The following SHROOM3 variants were observed in gnomAD, a reference collection of about 807,000 sequenced individuals.
SHROOM3 encodes the protein shroom family member 3, also known as protein Shroom3.
Under a neutral mutation model 138.6 loss-of-function variants are expected in SHROOM3, and 47 were observed. The observed-to-expected ratio is 0.34, with a 90% CI of 0.27 to 0.43. The LOEUF is 0.43. Among genes scored for constraint, SHROOM3 ranks in the 20% least tolerant of loss-of-function variants. SHROOM3 has a pLI of 1.00. For synonymous variants in SHROOM3, 1,062 were observed against 1,063.3 expected, an observed-to-expected ratio of 1.00 and a Z score of 0.02; for missense variants, 2,491 against 2,596.5, an observed-to-expected ratio of 0.96 and a Z score of 0.88.
At chr4:76,489,948 C>A (rs10029860) in intron 1 of SHROOM3, among the ~76,000 whole-genome samples, 65,997 of 151,934 alleles carry the variant, frequency 0.43, 15,277 homozygotes, top group Non-Finnish European at 0.52. Context: ...ACGAAAGTAC[C>A]CTCCACAGTG....
chr4:76,436,479 A>G (rs1417493954), intron 1 of SHROOM3, among the ~76,000 whole-genome samples: 1 of 152,234 alleles, frequency 6.6e-6, no homozygotes, highest in Non-Finnish European at 1.5e-5. Flanking sequence ...AATCGCATAC[A>G]ATCAGTTACC....
At chr4:76,701,962 A>G (rs1028845694) in intron 2 of SHROOM3, among the ~76,000 whole-genome samples, 1 of 152,362 alleles carries the variant, frequency 6.6e-6, no homozygotes, top group Admixed American at 6.5e-5. Flanking sequence ...GATAATTAAA[A>G]TAATAAACAT....
At chr4:76,515,384 T>TG (rs1732424167) in intron 1 of SHROOM3, among the ~76,000 whole-genome samples, 1 of 149,844 alleles carries the variant, frequency 6.7e-6, no homozygotes, top group African/African-American at 2.5e-5. Context: ...AGAACTTGTC[T>TG]GAAAAAAAAA....
intron 9 of SHROOM3, among the ~76,000 whole-genome samples, chr4:76,760,800 C>T (rs190743936): frequency 5.0e-4 from 76 of 152,306 alleles, no homozygotes; most frequent in East Asian, 1.2e-3. Flanking sequence ...CTTCATTTAA[C>T]GGGTCCCCTG....
chr4:76,580,821 G>A (rs1734037200), intron 2 of SHROOM3, among the ~76,000 whole-genome samples: 1 of 152,182 alleles, frequency 6.6e-6, no homozygotes, highest in Non-Finnish European at 1.5e-5. Context: ...GGTTGAGAGA[G>A]TTAAAACAAA....
In SHROOM3 at chr4:76,783,047, T is replaced by C. The variant is rs1354484688; in HGVS notation, c.*3870T>C. The C allele has an allele frequency of 6.6e-6, 1 of 152,194 alleles. No homozygotes were observed. The highest frequency in any genetic ancestry group is 1.5e-5 in the Non-Finnish European group (1 of 68,038). 9.4% of individuals were successfully genotyped at this position (152,194 alleles called of 1,614,324 possible). A position where few individuals can be genotyped will look rare whatever the true frequency, so the allele number is the denominator to read the frequency against. Reference sequence around the variant, plus strand: ...TACCAATTGCTATGACAAAACCAAGTCTGCTGGAAACTGCATTTCAGCAGG... The same window carrying C: ...TACCAATTGCTATGACAAAACCAAGCCTGCTGGAAACTGCATTTCAGCAGG... On this transcript the variant is annotated 3_prime_UTR_variant, in exon 11 of 11. Coordinates refer to ENST00000296043, the MANE Select transcript of SHROOM3 (RefSeq NM_020859.4).
intron 1 of SHROOM3, among the ~76,000 whole-genome samples, chr4:76,511,190 A>AC (rs202189019): frequency 6.6e-6 from 1 of 151,704 alleles, no homozygotes; most frequent in Non-Finnish European, 1.5e-5. Context: ...CTCAAAAATA[A>AC]TAATAATAAT....
At chr4:76,647,041 A>G (rs1475405177) in intron 2 of SHROOM3, among the ~76,000 whole-genome samples, 1 of 152,236 alleles carries the variant, frequency 6.6e-6, no homozygotes, top group Non-Finnish European at 1.5e-5. Context: ...AAGGATAAAG[A>G]AAATGTATAT....
chr4:76,508,728 C>T (rs1225827817), intron 1 of SHROOM3, among the ~76,000 whole-genome samples: 1 of 152,136 alleles, frequency 6.6e-6, no homozygotes, highest in Non-Finnish European at 1.5e-5. Context: ...TTTCTTTCAA[C>T]AATGTTTCAT....
At chr4:76,567,237 T>G (rs1479685871) in intron 2 of SHROOM3, among the ~76,000 whole-genome samples, 1 of 152,198 alleles carries the variant, frequency 6.6e-6, no homozygotes, top group Non-Finnish European at 1.5e-5. Context: ...GGAGCATTTT[T>G]AAAAGATTCT....
intron 1 of SHROOM3, among the ~76,000 whole-genome samples, chr4:76,470,164 C>G (rs1012330435): frequency 6.6e-6 from 1 of 152,088 alleles, no homozygotes; most frequent in Non-Finnish European, 1.5e-5. Flanking sequence ...AGGAAAGAGG[C>G]CTATACACTA....
At chr4:76,544,407 CTTTTTTTTTTTTT>C (rs58799466) in intron 1 of SHROOM3, among the ~76,000 whole-genome samples, 4 of 75,870 alleles carry the variant, frequency 5.3e-5, no homozygotes, top group Admixed American at 5.1e-4. Context: ...AGCTCAATGG[CTTTTTTTTTTTTT>C]TTTTTTTTTT....
At chr4:76,488,073 A>G (rs764074052) in intron 1 of SHROOM3, among the ~76,000 whole-genome samples, 14 of 152,172 alleles carry the variant, frequency 9.2e-5, no homozygotes, top group Non-Finnish European at 2.1e-4. Context: ...ACTTCCTTCA[A>G]CCTAATCTTA....
At chr4:76,447,536 G>A (rs1028130330) in intron 1 of SHROOM3, among the ~76,000 whole-genome samples, 8 of 152,284 alleles carry the variant, frequency 5.3e-5, no homozygotes, top group African/African-American at 7.2e-5. Context: ...CATGTTGGGC[G>A]TTGAGATAGA....
At chr4:76,479,218 G>A (rs542260555) in intron 1 of SHROOM3, among the ~76,000 whole-genome samples, 2 of 152,056 alleles carry the variant, frequency 1.3e-5, no homozygotes, top group South Asian at 4.2e-4. Context: ...ATGCAAGGAG[G>A]CTAAGAACCT....
At chr4:76,462,732 C>A (rs375135776) in intron 1 of SHROOM3, among the ~76,000 whole-genome samples, 23 of 147,510 alleles carry the variant, frequency 1.6e-4, no homozygotes, top group African/African-American at 4.8e-4. Context: ...CTCCCTTTCC[C>A]TCTCCATCTC....
At chr4:76,573,379 G>A (rs1318798025) in intron 2 of SHROOM3, among the ~76,000 whole-genome samples, 1 of 111,692 alleles carries the variant, frequency 9.0e-6, no homozygotes, top group Non-Finnish European at 1.8e-5. Context: ...TCTGCTGGTT[G>A]GCAATAATAA....
At chr4:76,591,671 T>C (rs1421237264) in intron 2 of SHROOM3, among the ~76,000 whole-genome samples, 1 of 152,218 alleles carries the variant, frequency 6.6e-6, no homozygotes, top group African/African-American at 2.4e-5. Context: ...ATCTATTACA[T>C]TGCCCTTAGT....
chr4:76,601,342 G>GC (rs1391915930), intron 2 of SHROOM3, among the ~76,000 whole-genome samples: 2 of 151,956 alleles, frequency 1.3e-5, no homozygotes, highest in Non-Finnish European at 2.9e-5. Flanking sequence ...CACAGGAAAG[G>GC]CCCCCCAGTA....
Sources: gnomAD v4.1 joint callset for allele counts (sites outside exome capture counted in the v4.1 genomes callset) on GRCh38, gnomAD v4.1.1 for gene constraint, MANE v1.5 for transcripts, NCBI Gene and HGNC (gene_info 2026-07-23, HGNC 2026-07-21) for gene names.